The following AP1S2 variants were observed in gnomAD, a reference collection of about 807,000 sequenced individuals.
The protein encoded by AP1S2 is adaptor related protein complex 1 subunit sigma 2, also known as AP-1 complex subunit sigma-2.
In AP1S2, 1 loss-of-function variant was observed where a neutral mutation model predicts 14.3. That is an observed-to-expected ratio of 0.07 (90% CI 0.02 to 0.33). The LOEUF (loss-of-function observed/expected upper bound fraction) is 0.33, where lower values mean the gene tolerates loss of function less well. Among genes scored for constraint, AP1S2 ranks in the 10% least tolerant of loss-of-function variants. The pLI is 0.99. For synonymous variants in AP1S2, 30 were observed against 40.5 expected, an observed-to-expected ratio of 0.74 and a Z score of 0.99; for missense variants, 30 against 117.7, an observed-to-expected ratio of 0.25 and a Z score of 3.45.
At chrX:15,844,980 T>C in intron 4 of AP1S2, 1 of 748,290 alleles carries the variant, frequency 1.3e-6, no homozygotes, top group Non-Finnish European at 1.6e-6. Flanking sequence ...CATAATCTCA[T>C]AGTCAACTCC....
chrX:15,850,708 C>T (rs1289618435), intron 2 of AP1S2, among the ~76,000 whole-genome samples: 2 of 109,807 alleles, frequency 1.8e-5, no homozygotes, highest in African/African-American at 3.3e-5. Flanking sequence ...TCCTTTCTAG[C>T]GCCTGGGTTC....
At chrX:15,846,097 C>T in intron 2 of AP1S2, 86 bp from the exon 3 acceptor site, 2 of 704,961 alleles carry the variant, frequency 2.8e-6, no homozygotes, top group Non-Finnish European at 4.5e-6. Flanking sequence ...ATGAAAAGCC[C>T]CAAGTTTATA....
intron 2 of AP1S2, 55 bp downstream of exon 2, chrX:15,852,291 C>T: frequency 9.1e-7 from 1 of 1,095,658 alleles, no homozygotes; most frequent in Admixed American, 2.4e-5. Context: ...CTGCAATTTC[C>T]TAAATGACCT....
At chrX:15,837,605 CTT>C (rs35560738) in intron 4 of AP1S2, among the ~76,000 whole-genome samples, 10 of 82,608 alleles carry the variant, frequency 1.2e-4, no homozygotes, top group Non-Finnish European at 2.1e-4. Context: ...ATAGAGATGA[CTT>C]TTTTTTTTTT....
intron 4 of AP1S2, among the ~76,000 whole-genome samples, chrX:15,838,911 C>G (rs1180541015): frequency 9.0e-6 from 1 of 110,569 alleles, no homozygotes; most frequent in African/African-American, 3.3e-5. Flanking sequence ...CCACGCCCAG[C>G]TAATTTTTGT....
chrX:15,845,409 T>C lies in AP1S2; in HGVS notation c.396A>G (p.Lys132=). 1 of 1,210,610 alleles carries C rather than the reference T, an allele frequency of 8.3e-7. No individual in the cohort carries two copies. Among genetic ancestry groups the C allele is most frequent in the South Asian group, 1.8e-5 (1 of 56,934 alleles). Residue 132 remains lysine (K), a synonymous_variant, in exon 4 of 6, where the codon AAA becomes AAG. Coordinates refer to ENST00000672987, the MANE Select transcript of AP1S2 (RefSeq NM_001272071.2). ...VQETSKKNVL[K]AIEQADLLQE... The stretch of plus-strand genomic sequence containing the variant: ...GCAGTAGATCAGCCTGCTCAATTGC[T>C]TTAAGGACATTTTTCTTGGATGTTT...
At chrX:15,843,216 T>C (rs746437244) in intron 4 of AP1S2, among the ~76,000 whole-genome samples, 42 of 111,832 alleles carry the variant, frequency 3.8e-4, no homozygotes, top group African/African-American at 1.4e-3. Context: ...AACTTAACAT[T>C]GCTGTCATAT....
intron 4 of AP1S2, among the ~76,000 whole-genome samples, chrX:15,836,729 A>T (rs189994098): frequency 3.6e-5 from 4 of 110,840 alleles, no homozygotes; most frequent in Non-Finnish European, 5.7e-5. Flanking sequence ...GAAAATTTTT[A>T]AAAAATTAGC....
chrX:15,853,952 G>A (rs1041280836), intron 1 of AP1S2, among the ~76,000 whole-genome samples: 3 of 111,690 alleles, frequency 2.7e-5, no homozygotes, highest in African/African-American at 9.8e-5. Flanking sequence ...CTAGATCTTG[G>A]TGACCAGAAA....
intron 2 of AP1S2, among the ~76,000 whole-genome samples, chrX:15,846,856 A>G (rs919804177): frequency 1.2e-4 from 13 of 111,870 alleles, no homozygotes; most frequent in South Asian, 3.7e-4. Flanking sequence ...AGGTTGGGAA[A>G]CTTATATTCT....
intron 4 of AP1S2, chrX:15,829,981 A>G (rs1747408187): frequency 2.0e-6 from 1 of 508,704 alleles, no homozygotes; most frequent in Non-Finnish European, 2.4e-6. Context: ...AATTTAAAAA[A>G]TTTGCCTAGA....
intron 4 of AP1S2, chrX:15,830,209 CA>C (rs1933388454): frequency 1.3e-6 from 1 of 750,238 alleles, no homozygotes; most frequent in South Asian, 6.8e-5. Context: ...TGAGACAATG[CA>C]TATTTATGTA....
chrX:15,848,985 T>A (rs1934084249), intron 2 of AP1S2, among the ~76,000 whole-genome samples: 1 of 112,193 alleles, frequency 8.9e-6, no homozygotes, highest in South Asian at 3.7e-4. Context: ...TGTTTTTAAA[T>A]TAATTTTAAA....
chrX:15,854,181 TC>T (rs1247052264), intron 1 of AP1S2, among the ~76,000 whole-genome samples: 1 of 112,416 alleles, frequency 8.9e-6, no homozygotes, highest in Non-Finnish European at 1.9e-5. Flanking sequence ...GCACCACAAT[TC>T]CTCGAGACTG....
chrX:15,852,253 C>T (rs1934202051), intron 2 of AP1S2, 93 bp downstream of exon 2: 2 of 811,506 alleles, frequency 2.5e-6, no homozygotes, highest in Non-Finnish European at 3.5e-6. Context: ...CTTTATTAAT[C>T]GTTATTTATA....
chrX:15,843,596 A>C (rs1269554390), intron 4 of AP1S2, among the ~76,000 whole-genome samples: 3 of 112,165 alleles, frequency 2.7e-5, no homozygotes, highest in Non-Finnish European at 5.6e-5. Flanking sequence ...AAAAATATTA[A>C]AATTAAAAGT....
At chrX:15,834,472 A>ATATATG (rs1933552360) in intron 4 of AP1S2, among the ~76,000 whole-genome samples, 1 of 32,838 alleles carries the variant, frequency 3.0e-5, no homozygotes, top group African/African-American at 1.7e-4. Flanking sequence ...ATATATATAT[A>ATATATG]TATATATAAT....
chrX:15,854,185 C>G lies in AP1S2; in HGVS notation c.-1+503G>C, dbSNP rs775768709. ...CAAATCACAGGGCACCACAATTCCT[C>G]GAGACTGGCATTAAAAACAATGGGC... On this transcript the variant is annotated intron_variant, in intron 1 of 5. Coordinates refer to ENST00000672987, the MANE Select transcript of AP1S2 (RefSeq NM_001272071.2). 1.5e-3 allele frequency among the ~76,000 whole-genome samples: 167 copies of G among 112,910 alleles called. 1 individual carries two copies. Among genetic ancestry groups the G allele is most frequent in the African/African-American group, 5.1e-3 (160 of 31,132 alleles).
intron 4 of AP1S2, among the ~76,000 whole-genome samples, chrX:15,835,875 A>T (rs748641287): frequency 9.0e-6 from 1 of 110,908 alleles, no homozygotes; most frequent in East Asian, 2.8e-4. Context: ...AGATTTTCAG[A>T]AGTAACACGA....
Sources: gnomAD v4.1 joint callset for allele counts (sites outside exome capture counted in the v4.1 genomes callset) on GRCh38, gnomAD v4.1.1 for gene constraint, MANE v1.5 for transcripts, NCBI Gene and HGNC (gene_info 2026-07-23, HGNC 2026-07-21) for gene names.